SCHIP1: variants seen among roughly 807,000 people sequenced by gnomAD.
The protein encoded by SCHIP1 is schwannomin-interacting protein 1.
A neutral mutation model predicts 29.7 loss-of-function variants in SCHIP1; 8 were observed. That is an observed-to-expected ratio of 0.27 (90% CI 0.16 to 0.49). SCHIP1 has a LOEUF of 0.49. SCHIP1 is among the 20% of genes least tolerant of loss of function. The pLI, the probability that SCHIP1 is intolerant of heterozygous loss-of-function variation, is 0.99. For missense variants in SCHIP1, 193 were observed against 294.6 expected, an observed-to-expected ratio of 0.66 and a Z score of 2.52; for synonymous variants, 76 against 94.9, an observed-to-expected ratio of 0.80 and a Z score of 1.16.
At chr3:159,776,595 G>T in the SCHIP1 span, among the ~76,000 whole-genome samples, 1 of 152,154 alleles carries the variant, frequency 6.6e-6, no homozygotes, top group Admixed American at 6.5e-5. Flanking sequence ...TTTAAAATAA[G>T]AGCTCGTTCT....
the SCHIP1 span, among the ~76,000 whole-genome samples, chr3:159,600,589 T>A: frequency 6.6e-6 from 1 of 152,324 alleles, no homozygotes; most frequent in East Asian, 1.9e-4. Flanking sequence ...TATCCCCAAT[T>A]TTTTGTATTT....
At chr3:159,672,922 G>T in the SCHIP1 span, among the ~76,000 whole-genome samples, 7,102 of 152,228 alleles carry the variant, frequency 0.047, 334 homozygotes, top group African/African-American at 0.13. Context: ...AGTGGTGGTG[G>T]CGAGTACTGC....
chr3:159,548,792 TA>T, the SCHIP1 span, among the ~76,000 whole-genome samples: 1 of 152,132 alleles, frequency 6.6e-6, no homozygotes, highest in African/African-American at 2.4e-5. Flanking sequence ...TCATTATGAA[TA>T]TGTTTCCTTT....
chr3:159,529,086 A>G, the SCHIP1 span, among the ~76,000 whole-genome samples: 1 of 152,178 alleles, frequency 6.6e-6, no homozygotes, highest in African/African-American at 2.4e-5. Context: ...AATGTATATA[A>G]TAACCATATA....
chr3:159,546,781 A>G, the SCHIP1 span, among the ~76,000 whole-genome samples: 1 of 152,154 alleles, frequency 6.6e-6, no homozygotes, highest in Non-Finnish European at 1.5e-5. Context: ...ATAGTATTCC[A>G]TGGTATATAT....
the SCHIP1 span, among the ~76,000 whole-genome samples, chr3:159,496,474 C>T: frequency 1.3e-5 from 2 of 152,200 alleles, no homozygotes; most frequent in Non-Finnish European, 1.5e-5. Context: ...CAAAAGAAGA[C>T]ATTTATGCAG....
the SCHIP1 span, among the ~76,000 whole-genome samples, chr3:159,703,457 A>G: frequency 3.9e-5 from 6 of 152,164 alleles, no homozygotes; most frequent in African/African-American, 1.2e-4. Flanking sequence ...CTGATATACC[A>G]TAGAGATATG....
chr3:159,624,336 C>T, the SCHIP1 span, among the ~76,000 whole-genome samples: 1 of 152,178 alleles, frequency 6.6e-6, no homozygotes, highest in Non-Finnish European at 1.5e-5. Context: ...TCCAGCTTTC[C>T]AAGTACTCAT....
At chr3:159,756,866 AAAC>A in the SCHIP1 span, among the ~76,000 whole-genome samples, 4 of 152,336 alleles carry the variant, frequency 2.6e-5, no homozygotes, top group East Asian at 5.8e-4. Context: ...CTTTTTGCTA[AAAC>A]AACAAGAGTC....
the SCHIP1 span, among the ~76,000 whole-genome samples, chr3:159,420,414 C>T: frequency 1.1e-4 from 16 of 152,268 alleles, no homozygotes; most frequent in South Asian, 1.5e-3. Context: ...TTTAGATTGA[C>T]GCATCAGGTT....
At chr3:159,538,722 G>A in the SCHIP1 span, among the ~76,000 whole-genome samples, 1 of 152,092 alleles carries the variant, frequency 6.6e-6, no homozygotes, top group African/African-American at 2.4e-5. Context: ...GTTGGGTTTG[G>A]TCATCACACT....
chr3:159,646,277 C>T, the SCHIP1 span, among the ~76,000 whole-genome samples: 1 of 152,140 alleles, frequency 6.6e-6, no homozygotes, highest in African/African-American at 2.4e-5. Context: ...TATCACTTAG[C>T]TGTTTGTGCT....
At chr3:159,398,959 G>T in the SCHIP1 span, 2 of 983,826 alleles carry the variant, frequency 2.0e-6, no homozygotes, top group African/African-American at 3.5e-5. Context: ...ACAAGTGTGG[G>T]CAATTTGCCC....
chr3:159,828,421 A>ACACG, the SCHIP1 span, among the ~76,000 whole-genome samples: 1 of 97,200 alleles, frequency 1.0e-5, no homozygotes, highest in Non-Finnish European at 2.4e-5. Flanking sequence ...ATATATACGT[A>ACACG]TATATATACG....
the SCHIP1 span, among the ~76,000 whole-genome samples, chr3:159,493,749 G>T: frequency 1.6e-3 from 247 of 152,148 alleles, 1 homozygote; most frequent in Middle Eastern, 0.02. Context: ...GCACCAAGCG[G>T]ACCTAATAGA....
chr3:159,667,828 T>A, the SCHIP1 span, among the ~76,000 whole-genome samples: 5 of 152,244 alleles, frequency 3.3e-5, no homozygotes, highest in Non-Finnish European at 1.5e-5. Context: ...CAAGTACACA[T>A]AGAACTAAAC....
the SCHIP1 span, among the ~76,000 whole-genome samples, chr3:159,310,028 G>A: frequency 6.6e-6 from 1 of 152,106 alleles, no homozygotes; most frequent in Non-Finnish European, 1.5e-5. Flanking sequence ...AAAATCCAGG[G>A]TTCAGTGTAA....
chr3:159,329,869 A>T, the SCHIP1 span, among the ~76,000 whole-genome samples: 7,393 of 148,204 alleles, frequency 0.05, 645 homozygotes, highest in African/African-American at 0.18. Context: ...CACCGTTAGT[A>T]TTTTTTTTTT....
chr3:159,857,172 A>G (rs1172054191), intron 1 of SCHIP1, among the ~76,000 whole-genome samples: 1 of 152,176 alleles, frequency 6.6e-6, no homozygotes, highest in East Asian at 1.9e-4. Flanking sequence ...GTTTCTTATC[A>G]TATCACCCCA....
Sources: gnomAD v4.1 joint callset for allele counts (sites outside exome capture counted in the v4.1 genomes callset) on GRCh38, gnomAD v4.1.1 for gene constraint, MANE v1.5 for transcripts, NCBI Gene and HGNC (gene_info 2026-07-23, HGNC 2026-07-21) for gene names.